The following ELMO1 variants were observed in gnomAD, a reference collection of about 807,000 sequenced individuals.
ELMO1 encodes the protein engulfment and cell motility 1, also known as engulfment and cell motility protein 1.
Under a neutral mutation model 98.9 loss-of-function variants are expected in ELMO1, and 26 were observed. The ratio of observed to expected loss-of-function variants is 0.26; its 90% CI spans 0.19 to 0.36. The LOEUF (loss-of-function observed/expected upper bound fraction) is 0.36, where lower values mean the gene tolerates loss of function less well. Ranked by LOEUF, ELMO1 falls within the 10% of genes least tolerant of loss-of-function variation. The pLI is 1.00. For synonymous variants in ELMO1, 346 were observed against 346.0 expected (o/e 1.00, Z 0.00); for missense variants, 627 against 935.2 (o/e 0.67, Z 4.30).
At chr7:37,049,313 CG>C (rs1562921945) in intron 15 of ELMO1, among the ~76,000 whole-genome samples, 1 of 151,986 alleles carries the variant, frequency 6.6e-6, no homozygotes, top group African/African-American at 2.4e-5. Flanking sequence ...GCTCTTGGGC[CG>C]GGATTCTTCT....
chr7:37,374,486 T>G (rs185660988), intron 1 of ELMO1, among the ~76,000 whole-genome samples: 1 of 152,332 alleles, frequency 6.6e-6, no homozygotes. Flanking sequence ...GAGTGGCGGC[T>G]CATGCCTGTA....
chr7:36,896,881 A>G (rs189591547), intron 16 of ELMO1, among the ~76,000 whole-genome samples: 1 of 152,346 alleles, frequency 6.6e-6, no homozygotes, highest in Admixed American at 6.5e-5. Context: ...CAAGGAGATC[A>G]TTACTGTTTC....
intron 13 of ELMO1, among the ~76,000 whole-genome samples, chr7:37,143,080 C>T (rs1356090787): frequency 1.3e-5 from 2 of 152,172 alleles, no homozygotes; most frequent in African/African-American, 4.8e-5. Context: ...GACTAATTAG[C>T]AAATAGTCTC....
Position 36,979,647 on chromosome 7 carries a change from A to G in ELMO1, c.1437+33652T>C, listed in dbSNP as rs867502592. On this transcript the variant is annotated intron_variant, in intron 16 of 21. Coordinates refer to ENST00000310758, the MANE Select transcript of ELMO1 (RefSeq NM_014800.11). Reference sequence around the variant, plus strand: ...CTTTAGCATTAAGTAGTCTAGGTCTAGGGACAGTGCCAATGTTGGTGGTTT... The same window carrying G: ...CTTTAGCATTAAGTAGTCTAGGTCTGGGGACAGTGCCAATGTTGGTGGTTT... Among the ~76,000 whole-genome samples, 32 of 152,324 alleles carry G rather than the reference A, an allele frequency of 2.1e-4. 1 individual carries two copies. In the South Asian group the frequency reaches 3.7e-3, roughly 18 times the overall value.
At chr7:37,432,706 T>C (rs552542512) in intron 1 of ELMO1, among the ~76,000 whole-genome samples, 3 of 152,148 alleles carry the variant, frequency 2.0e-5, no homozygotes, top group African/African-American at 7.2e-5. Flanking sequence ...CAACCCCCAA[T>C]GTGTATCACA....
chr7:37,056,283 G>C lies in ELMO1; in HGVS notation c.1300+40336C>G, dbSNP rs527301293. Among the ~76,000 whole-genome samples the C allele has an allele frequency of 2.6e-5, 4 of 152,332 alleles. No individual in the cohort carries two copies. The East Asian group carries it at 7.7e-4, about 29-fold the overall frequency. Reference sequence around the variant, plus strand: ...CAACAACAGTTGCAGTTTCTTTTAAGTGACTTTCTTGACAGGGGCACCAGG... The same window carrying C: ...CAACAACAGTTGCAGTTTCTTTTAACTGACTTTCTTGACAGGGGCACCAGG... On this transcript the variant is annotated intron_variant, in intron 15 of 21. Transcript: ENST00000310758.
intron 16 of ELMO1, among the ~76,000 whole-genome samples, chr7:36,990,790 G>A (rs1791822087): frequency 6.6e-6 from 1 of 151,998 alleles, no homozygotes; most frequent in Admixed American, 6.6e-5. Flanking sequence ...ATGTTAGGCG[G>A]TATACATGTA....
intron 13 of ELMO1, among the ~76,000 whole-genome samples, chr7:37,198,620 A>G (rs915488356): frequency 6.6e-6 from 1 of 152,246 alleles, no homozygotes; most frequent in African/African-American, 2.4e-5. Context: ...GCTATGTTTT[A>G]TTAGCCTCAA....
At chr7:37,017,762 C>CA (rs11386745) in intron 15 of ELMO1, among the ~76,000 whole-genome samples, 14,289 of 152,060 alleles carry the variant, frequency 0.094, 775 homozygotes, top group Middle Eastern at 0.19. Context: ...TCTTTGTACA[C>CA]AATTTGTTGG....
rs189654572 is a variant in ELMO1 at position 36,997,257 on chromosome 7, A to C, written c.1437+16042T>G. ...TAAGACCAGAAAAAAAATTTAAGCT[A>C]TTTCCAGGAGAGAAGGAAAATGATT... On this transcript the variant is annotated intron_variant, in intron 16 of 21. Transcript: ENST00000310758. 1.8e-3 allele frequency among the ~76,000 whole-genome samples: 270 copies of C among 152,262 alleles called. 1 individual carries two copies. The highest frequency in any genetic ancestry group is 5.8e-3 in the African/African-American group (239 of 41,560).
chr7:37,016,495 A>G (rs1793941230), intron 15 of ELMO1, among the ~76,000 whole-genome samples: 1 of 152,060 alleles, frequency 6.6e-6, no homozygotes, highest in South Asian at 2.1e-4. Context: ...TGACATCAAG[A>G]GCTCATTGCA....
intron 13 of ELMO1, among the ~76,000 whole-genome samples, chr7:37,169,140 G>A (rs554349323): frequency 5.9e-5 from 9 of 152,330 alleles, no homozygotes; most frequent in East Asian, 1.9e-4. Context: ...AGGACCCTCC[G>A]AGCCAGGTGC....
At chr7:37,362,253 T>C (rs956083917) in intron 1 of ELMO1, among the ~76,000 whole-genome samples, 9 of 152,034 alleles carry the variant, frequency 5.9e-5, no homozygotes, top group African/African-American at 2.2e-4. Context: ...GTTACATCCT[T>C]GTGCCAGGTA....
At chr7:36,910,025 AG>A (rs1397002324) in intron 16 of ELMO1, among the ~76,000 whole-genome samples, 3 of 152,234 alleles carry the variant, frequency 2.0e-5, no homozygotes, top group Non-Finnish European at 2.9e-5. Flanking sequence ...TTGCATAGAC[AG>A]CAGGAAACTA....
At chr7:37,357,448 G>C (rs1335048875) in intron 1 of ELMO1, among the ~76,000 whole-genome samples, 1 of 152,088 alleles carries the variant, frequency 6.6e-6, no homozygotes, top group African/African-American at 2.4e-5. Context: ...GGTTTTAGTG[G>C]AGACTAAGAC....
At chr7:37,211,173 G>T in intron 13 of ELMO1, 1 of 599,984 alleles carries the variant, frequency 1.7e-6, no homozygotes, top group Non-Finnish European at 2.8e-6. Flanking sequence ...AACAAATGCA[G>T]TATTAGTCAC....
At chr7:36,929,906 C>A (rs191800914) in intron 16 of ELMO1, among the ~76,000 whole-genome samples, 2 of 152,174 alleles carry the variant, frequency 1.3e-5, no homozygotes, top group Admixed American at 6.5e-5. Context: ...CATATCCCTT[C>A]GGGAGCAATT....
At chr7:36,949,913 T>C (rs1410225766) in intron 16 of ELMO1, among the ~76,000 whole-genome samples, 1 of 152,144 alleles carries the variant, frequency 6.6e-6, no homozygotes, top group African/African-American at 2.4e-5. Flanking sequence ...AATGCAAACA[T>C]CTTTCCAAAG....
intron 16 of ELMO1, among the ~76,000 whole-genome samples, chr7:36,921,839 T>C (rs1172798188): frequency 6.6e-6 from 1 of 152,194 alleles, no homozygotes; most frequent in African/African-American, 2.4e-5. Flanking sequence ...ACCTGGGGCA[T>C]TTGCTGGGCT....
Sources: allele counts gnomAD v4.1 joint callset (sites outside exome capture counted in the v4.1 genomes callset), GRCh38; gene constraint gnomAD v4.1.1; transcripts MANE v1.5; gene names NCBI Gene and HGNC (gene_info 2026-07-23, HGNC 2026-07-21).